Variants in GFRA1 observed in about 807,000 individuals in gnomAD.
GFRA1 encodes GDNF family receptor alpha 1.
Under a neutral mutation model 51.6 loss-of-function variants are expected in GFRA1, and 16 were observed. The observed-to-expected ratio is 0.31, with a 90% confidence interval of 0.21 to 0.47. The LOEUF (loss-of-function observed/expected upper bound fraction) is 0.47, where lower values mean the gene tolerates loss of function less well. GFRA1 is among the 20% of genes least tolerant of loss of function. The probability of loss-of-function intolerance (pLI) is 1.00; values close to 1 mark genes in which losing one functional copy is unlikely to be tolerated. For synonymous variants in GFRA1, 270 were observed against 241.3 expected (o/e 1.12, Z -1.10); for missense variants, 530 against 594.3 (o/e 0.89, Z 1.13).
At chr10:116,125,073 C>T (rs966575159) in intron 6 of GFRA1, 148 bp downstream of exon 6, 7 of 722,000 alleles carry the variant, frequency 9.7e-6, no homozygotes, top group South Asian at 3.1e-5. Context: ...ACACAGAGGT[C>T]AGATTTTTGC....
rs946007256 is a variant in GFRA1, at chr10:116,272,398, C to T, written c.-246-123G>A. 1 of 382,378 alleles carries T rather than the reference C, an allele frequency of 2.6e-6. No homozygotes were observed. Among genetic ancestry groups the T allele is most frequent in the Admixed American group, 3.9e-5 (1 of 25,876 alleles). 23.7% of individuals were successfully genotyped at this position (382,378 alleles called of 1,614,324 possible). On this transcript the variant is annotated intron_variant, in intron 1 of 10. Coordinates refer to ENST00000355422, the MANE Select transcript of GFRA1 (RefSeq NM_005264.8). The surrounding 1 kb of genome is among the most constrained non-coding windows in gnomAD (Gnocchi z 4.4). ...TCCAACACCGGGGTGAGGACCCACC[C>T]CCACCCAGGTCGGGGTGCATGTGCG...
At chr10:116,210,368 GA>G (rs538261274) in intron 5 of GFRA1, among the ~76,000 whole-genome samples, 1 of 150,980 alleles carries the variant, frequency 6.6e-6, no homozygotes, top group Non-Finnish European at 1.5e-5. Flanking sequence ...CTAGTTCACA[GA>G]AAAAAAAATG....
intron 4 of GFRA1, among the ~76,000 whole-genome samples, chr10:116,261,283 T>C (rs1294865273): frequency 1.3e-5 from 2 of 152,214 alleles, no homozygotes; most frequent in Non-Finnish European, 2.9e-5. Flanking sequence ...TTATGTTGCA[T>C]TGTCCTATCA....
chr10:116,135,223 T>G (rs1231877758), intron 5 of GFRA1, among the ~76,000 whole-genome samples: 2 of 152,206 alleles, frequency 1.3e-5, no homozygotes, highest in African/African-American at 4.8e-5. Flanking sequence ...CAGCTTAGCG[T>G]TATTTAATGG....
chr10:116,220,674 G>A lies in GFRA1; in HGVS notation c.419-9029C>T, dbSNP rs571467054. Among the ~76,000 whole-genome samples, 8 of 152,302 alleles carry A rather than the reference G, an allele frequency of 5.3e-5. No individual in the cohort carries two copies. In the East Asian group the frequency reaches 1.5e-3, roughly 29 times the overall value. On this transcript the variant is annotated intron_variant, in intron 4 of 10. Transcript: ENST00000355422. Reference sequence around the variant, plus strand: ...TCATGAAATGGGCCCAAGGCTTCTAGGAGGAGCTTTGATGATGTAATACAC... The same window carrying A: ...TCATGAAATGGGCCCAAGGCTTCTAAGAGGAGCTTTGATGATGTAATACAC...
chr10:116,231,817 C>T (rs1344755292), intron 4 of GFRA1, among the ~76,000 whole-genome samples: 2 of 152,198 alleles, frequency 1.3e-5, no homozygotes, highest in Admixed American at 6.5e-5. Context: ...CACATTTGCA[C>T]AACACCTAAA....
chr10:116,170,793 ACC>A (rs1347395761), intron 5 of GFRA1, among the ~76,000 whole-genome samples: 4 of 152,056 alleles, frequency 2.6e-5, no homozygotes, highest in Non-Finnish European at 5.9e-5. Context: ...AAGCAAGAAA[ACC>A]CCAAGAGTTT....
intron 4 of GFRA1, among the ~76,000 whole-genome samples, chr10:116,248,906 G>A (rs907519727): frequency 7.9e-5 from 12 of 152,100 alleles, no homozygotes; most frequent in African/African-American, 2.7e-4. Flanking sequence ...TTCCTGCCAC[G>A]GTGAATTCCA....
chr10:116,216,954 T>C (rs1965606309), intron 4 of GFRA1, among the ~76,000 whole-genome samples: 1 of 152,208 alleles, frequency 6.6e-6, no homozygotes, highest in Non-Finnish European at 1.5e-5. Context: ...ACCAGCAAGC[T>C]CTGTACATAG....
chr10:116,113,506 T>C (rs1272854303), intron 6 of GFRA1, among the ~76,000 whole-genome samples: 1 of 152,200 alleles, frequency 6.6e-6, no homozygotes, highest in Non-Finnish European at 1.5e-5. Flanking sequence ...GGTCCCTTAC[T>C]TTAAAATTTT....
intron 5 of GFRA1, among the ~76,000 whole-genome samples, chr10:116,200,750 G>A (rs1410879562): frequency 6.6e-6 from 1 of 152,188 alleles, no homozygotes; most frequent in African/African-American, 2.4e-5. Context: ...TCCCATTCAT[G>A]AGAGCTCTAC....
intron 4 of GFRA1, among the ~76,000 whole-genome samples, chr10:116,219,426 G>A (rs932153898): frequency 6.6e-6 from 1 of 152,096 alleles, no homozygotes; most frequent in African/African-American, 2.4e-5. Context: ...ATTATAATAA[G>A]ACTAATCTGG....
chr10:116,183,197 T>C (rs2134282462), intron 5 of GFRA1, among the ~76,000 whole-genome samples: 1 of 152,308 alleles, frequency 6.6e-6, no homozygotes, highest in Middle Eastern at 3.4e-3. Context: ...TGAGGAAAGT[T>C]GTTTTACCCG....
At chr10:116,171,080 T>C (rs930818977) in intron 5 of GFRA1, among the ~76,000 whole-genome samples, 3 of 152,236 alleles carry the variant, frequency 2.0e-5, no homozygotes, top group Non-Finnish European at 1.5e-5. Context: ...CCTATTTTCA[T>C]GTACATAGAC....
intron 6 of GFRA1, among the ~76,000 whole-genome samples, chr10:116,122,288 C>T (rs1309400144): frequency 6.6e-6 from 1 of 152,152 alleles, no homozygotes; most frequent in African/African-American, 2.4e-5. Flanking sequence ...CCCAGGGATC[C>T]TTCACCCCAC....
chr10:116,071,932 T>G (rs1290356736), intron 9 of GFRA1, among the ~76,000 whole-genome samples: 1 of 152,118 alleles, frequency 6.6e-6, no homozygotes, highest in Non-Finnish European at 1.5e-5. Flanking sequence ...TAATTCCTGG[T>G]CTACAGTTCC....
intron 5 of GFRA1, among the ~76,000 whole-genome samples, chr10:116,197,464 G>A (rs139893913): frequency 1.3e-5 from 2 of 152,280 alleles, no homozygotes; most frequent in East Asian, 3.9e-4. Context: ...AGTTTGGAAT[G>A]TATGTGTGTA....
At position 116,099,124 on chromosome 10, in the gene GFRA1, C is replaced by T. The variant is rs59066664; in HGVS notation, c.771-2360G>A. On this transcript the variant is annotated intron_variant, in intron 6 of 10. Coordinates refer to ENST00000355422, the MANE Select transcript of GFRA1 (RefSeq NM_005264.8). ...CTCACATTATAGGATTCACATGTTACGGATGGAAACACTGAAGTAAGAAGT... is the reference window on the plus strand; with the variant it reads ...CTCACATTATAGGATTCACATGTTATGGATGGAAACACTGAAGTAAGAAGT... Among the ~76,000 whole-genome samples the T allele has an allele frequency of 4.1e-3, 620 of 152,268 alleles. 6 individuals carry two copies. The highest frequency in any genetic ancestry group is 0.014 in the Middle Eastern group (4 of 294).
chr10:116,268,441 A>G (rs945827034), intron 4 of GFRA1, among the ~76,000 whole-genome samples: 4 of 152,256 alleles, frequency 2.6e-5, no homozygotes, highest in Non-Finnish European at 5.9e-5. Flanking sequence ...CAAGGTGATG[A>G]CTGGCTCACT....
Sources: allele counts gnomAD v4.1 joint callset (sites outside exome capture counted in the v4.1 genomes callset), GRCh38; gene constraint gnomAD v4.1.1; non-coding constraint Gnocchi (gnomAD v3.1); transcripts MANE v1.5; gene names NCBI Gene and HGNC (gene_info 2026-07-23, HGNC 2026-07-21).